ATAD2B: variants seen among roughly 807,000 people sequenced by gnomAD.
ATAD2B encodes ATPase family AAA domain containing 2B.
ATAD2B carries 40 observed loss-of-function variants against 167.6 expected under a neutral mutation model. That is an observed-to-expected ratio of 0.24 (90% CI 0.19 to 0.31). The LOEUF (loss-of-function observed/expected upper bound fraction) is 0.31, where lower values mean the gene tolerates loss of function less well. Ranked by LOEUF, ATAD2B falls within the 10% of genes least tolerant of loss-of-function variation. The pLI, the probability that ATAD2B is intolerant of heterozygous loss-of-function variation, is 1.00. For synonymous variants in ATAD2B, 579 were observed against 596.5 expected (o/e 0.97, Z 0.43); for missense variants, 1,242 against 1,757.2 (o/e 0.71, Z 5.24).
the ATAD2B span, chr2:23,691,311 T>G: frequency 3.5e-6 from 1 of 285,438 alleles, no homozygotes; most frequent in Non-Finnish European, 6.7e-6. Flanking sequence ...CGGGCTGGGA[T>G]GCGTCGGCCT....
chr2:23,828,472 A>G (rs1037157108), intron 15 of ATAD2B, among the ~76,000 whole-genome samples: 5 of 152,210 alleles, frequency 3.3e-5, no homozygotes, highest in Non-Finnish European at 7.3e-5. Flanking sequence ...CTGCAAAGTA[A>G]AAGTAAAAGG....
rs1026140340 is a variant in ATAD2B at position 23,884,887 on chromosome 2, A to G, written c.676-14T>C. On this transcript the variant is annotated splice_polypyrimidine_tract_variant and intron_variant, in intron 5 of 27. Transcript: ENST00000238789. ...ATCCATGTTTTCCTTTTAAAGAAAGAAATCTGTCAAATAGCAACATGACAT... is the reference window on the plus strand; with the variant it reads ...ATCCATGTTTTCCTTTTAAAGAAAGGAATCTGTCAAATAGCAACATGACAT... The G allele has an allele frequency of 2.7e-6, 4 of 1,460,260 alleles. No individual in the cohort carries two copies. Among genetic ancestry groups the G allele is most frequent in the Non-Finnish European group, 3.7e-6 (4 of 1,076,084 alleles). The allele number at this position is 1,460,260 out of a possible 1,614,324, so 90.5% of individuals were successfully genotyped here. A position where few individuals can be genotyped will look rare whatever the true frequency, so the allele number is the denominator to read the frequency against.
the ATAD2B span, among the ~76,000 whole-genome samples, chr2:23,738,305 T>C: frequency 6.6e-6 from 1 of 152,180 alleles, no homozygotes; most frequent in African/African-American, 2.4e-5. Context: ...GAGAGAAAGG[T>C]CAGGTTACCC....
intron 23 of ATAD2B, among the ~76,000 whole-genome samples, chr2:23,764,614 C>T (rs1677163261): frequency 1.3e-5 from 2 of 152,088 alleles, no homozygotes; most frequent in Admixed American, 1.3e-4. Context: ...AAGGAGGACA[C>T]GATCAAAAAA....
At chr2:23,725,084 C>T in the ATAD2B span, among the ~76,000 whole-genome samples, 394 of 145,540 alleles carry the variant, frequency 2.7e-3, 4 homozygotes, top group African/African-American at 8.1e-3. Flanking sequence ...AAAAACAATG[C>T]ATTATATATA....
chr2:23,679,243 T>C, the ATAD2B span, among the ~76,000 whole-genome samples: 8 of 152,032 alleles, frequency 5.3e-5, no homozygotes, highest in South Asian at 1.3e-3. Flanking sequence ...CTTATTTAGA[T>C]TGTGATCCTG....
In ATAD2B at chr2:23,835,067, G is replaced by A. The variant is rs373201065; in HGVS notation, c.1569-989C>T. On this transcript the variant is annotated intron_variant, in intron 13 of 27. Coordinates refer to ENST00000238789, the MANE Select transcript of ATAD2B (RefSeq NM_017552.4). ...CAGATAATTAACAGCTTTTGATGAG[G>A]ATGTAGAGAAGCTGGAACACTCATA... Among the ~76,000 whole-genome samples the A allele has an allele frequency of 1.3e-4, 20 of 152,306 alleles. 1 individual carries two copies. In the South Asian group the frequency reaches 4.1e-3, roughly 32 times the overall value.
chr2:23,896,304 G>A (rs1217345567), intron 1 of ATAD2B, among the ~76,000 whole-genome samples: 1 of 150,520 alleles, frequency 6.6e-6, no homozygotes, highest in East Asian at 1.9e-4. Flanking sequence ...CAGCCTGGAT[G>A]ACAGAGCAAG....
At chr2:23,907,131 G>A (rs1025883621) in intron 1 of ATAD2B, among the ~76,000 whole-genome samples, 9 of 151,244 alleles carry the variant, frequency 6.0e-5, no homozygotes, top group Non-Finnish European at 1.3e-4. Context: ...AATCAGGCAG[G>A]AGAAGGAAAT....
At chr2:23,922,482 A>AG (rs989997529) in intron 1 of ATAD2B, among the ~76,000 whole-genome samples, 1 of 145,140 alleles carries the variant, frequency 6.9e-6, no homozygotes, top group East Asian at 1.9e-4. Flanking sequence ...ATGATAAGAG[A>AG]GGAAAAAAAA....
intron 24 of ATAD2B, among the ~76,000 whole-genome samples, chr2:23,761,064 A>G (rs1382884024): frequency 3.9e-5 from 6 of 152,364 alleles, no homozygotes; most frequent in Admixed American, 3.3e-4. Context: ...ATGTATTTTC[A>G]TTCATAAATA....
chr2:23,699,883 C>T, the ATAD2B span, among the ~76,000 whole-genome samples: 1 of 152,138 alleles, frequency 6.6e-6, no homozygotes, highest in Non-Finnish European at 1.5e-5. Context: ...TGACCTCTCT[C>T]TTCAGAGATC....
intron 13 of ATAD2B, among the ~76,000 whole-genome samples, chr2:23,847,992 C>CAAA (rs529339468): frequency 1.1e-5 from 1 of 90,778 alleles, no homozygotes; most frequent in Non-Finnish European, 2.3e-5. Flanking sequence ...GACTTCATCC[C>CAAA]AAAAAAAAAA....
intron 22 of ATAD2B, among the ~76,000 whole-genome samples, chr2:23,778,039 C>T (rs113068339): frequency 2.6e-5 from 4 of 151,916 alleles, no homozygotes; most frequent in African/African-American, 7.3e-5. Context: ...AACTTGTAAA[C>T]GTAATACAAC....
intron 17 of ATAD2B, among the ~76,000 whole-genome samples, chr2:23,814,457 ATTAGAGAC>A (rs1378873268): frequency 6.6e-6 from 1 of 152,174 alleles, no homozygotes; most frequent in African/African-American, 2.4e-5. Flanking sequence ...GAAGATACCA[ATTAGAGAC>A]TCATAGAAGG....
intron 1 of ATAD2B, among the ~76,000 whole-genome samples, chr2:23,922,545 A>G (rs757387628): frequency 3.3e-5 from 5 of 152,086 alleles, no homozygotes; most frequent in Admixed American, 2.0e-4. Context: ...TTAAGAGAAA[A>G]ATCTGCAAAC....
chr2:23,832,150 G>A, intron 14 of ATAD2B: 1 of 453,026 alleles, frequency 2.2e-6, no homozygotes, highest in Non-Finnish European at 4.6e-6. Flanking sequence ...CCTCCTCATT[G>A]ATACATTTTC....
intron 13 of ATAD2B, among the ~76,000 whole-genome samples, chr2:23,850,138 CA>C (rs751139594): frequency 0.059 from 3,451 of 58,286 alleles, 59 homozygotes; most frequent in African/African-American, 0.17. Flanking sequence ...GACTCCGTCT[CA>C]AAAAAAAAAA....
the ATAD2B span, among the ~76,000 whole-genome samples, chr2:23,730,895 T>C: frequency 2.6e-5 from 4 of 151,640 alleles, no homozygotes; most frequent in South Asian, 8.3e-4. Flanking sequence ...AAATCCTAGT[T>C]TTTTTGAAAA....
Sources: allele counts gnomAD v4.1 joint callset (sites outside exome capture counted in the v4.1 genomes callset), GRCh38; gene constraint gnomAD v4.1.1; transcripts MANE v1.5; gene names NCBI Gene and HGNC (gene_info 2026-07-23, HGNC 2026-07-21).